The following SVOPL variants were observed in gnomAD, a reference collection of about 807,000 sequenced individuals.
The protein encoded by SVOPL is putative transporter SVOPL.
A neutral mutation model predicts 61.0 loss-of-function variants in SVOPL; 60 were observed. That is an observed-to-expected ratio of 0.98 (90% CI 0.80 to 1.22). The LOEUF (loss-of-function observed/expected upper bound fraction) is 1.22, where lower values mean the gene tolerates loss of function less well. Among genes scored for constraint, SVOPL ranks in the 50% most tolerant of loss-of-function variants. The pLI is 0.00. For synonymous variants in SVOPL, 279 were observed against 250.0 expected (o/e 1.12, Z -1.09); for missense variants, 662 against 643.9 (o/e 1.03, Z -0.30).
At chr7:138,634,350 T>C (rs1327363828) in intron 9 of SVOPL, among the ~76,000 whole-genome samples, 1 of 151,148 alleles carries the variant, frequency 6.6e-6, no homozygotes, top group Non-Finnish European at 1.5e-5. Flanking sequence ...TATGAAAAAA[T>C]AAGAAAATTA....
intron 4 of SVOPL, among the ~76,000 whole-genome samples, chr7:138,665,640 C>T (rs543265751): frequency 6.6e-6 from 1 of 152,258 alleles, no homozygotes; most frequent in South Asian, 2.1e-4. Flanking sequence ...AAAACGGTAT[C>T]ACGTAATACA....
intron 14 of SVOPL, among the ~76,000 whole-genome samples, chr7:138,609,709 GTT>G (rs146190653): frequency 2.0e-3 from 122 of 62,496 alleles, no homozygotes; most frequent in Non-Finnish European, 2.8e-3. Flanking sequence ...GCTCATTACT[GTT>G]TTTTTTTTGG....
intron 13 of SVOPL, among the ~76,000 whole-genome samples, chr7:138,623,612 A>G (rs1253570144): frequency 6.6e-6 from 1 of 152,150 alleles, no homozygotes; most frequent in Non-Finnish European, 1.5e-5. Context: ...AACAAAAAAA[A>G]TAAAATCAAA....
At chr7:138,640,308 C>T (rs922772131) in intron 9 of SVOPL, among the ~76,000 whole-genome samples, 9 of 151,886 alleles carry the variant, frequency 5.9e-5, no homozygotes, top group African/African-American at 1.4e-4. Context: ...CTCGGCTCAC[C>T]GCAATCTCTG....
intron 4 of SVOPL, among the ~76,000 whole-genome samples, chr7:138,670,635 C>T (rs1584859633): frequency 6.6e-6 from 1 of 152,166 alleles, no homozygotes; most frequent in Non-Finnish European, 1.5e-5. Context: ...TTAAAAAATG[C>T]TTGCCTCCAA....
intron 3 of SVOPL, among the ~76,000 whole-genome samples, chr7:138,678,028 A>G (rs929100532): frequency 5.9e-5 from 9 of 152,128 alleles, no homozygotes; most frequent in African/African-American, 2.2e-4. Context: ...AGCCTCCCAA[A>G]GTGCTGGGAT....
chr7:138,675,504 C>T (rs1266796428), intron 3 of SVOPL, among the ~76,000 whole-genome samples: 2 of 152,052 alleles, frequency 1.3e-5, no homozygotes, highest in African/African-American at 4.8e-5. Context: ...CAGGCATGTG[C>T]CACCATACCC....
chr7:138,689,421 A>G, intron 1 of SVOPL: 2 of 1,270,938 alleles, frequency 1.6e-6, no homozygotes, highest in Non-Finnish European at 1.1e-6. Flanking sequence ...CCACATCGAG[A>G]TGATCCTTAC....
chr7:138,696,048 C>T (rs1205227634), intron 1 of SVOPL, among the ~76,000 whole-genome samples: 2 of 152,116 alleles, frequency 1.3e-5, no homozygotes, highest in African/African-American at 4.8e-5. Flanking sequence ...TCCCAAAGTG[C>T]TAGGATTACA....
At chr7:138,654,886 A>T (rs137855160) in intron 7 of SVOPL, among the ~76,000 whole-genome samples, 2,840 of 87,660 alleles carry the variant, frequency 0.032, 63 homozygotes, top group African/African-American at 0.14. Flanking sequence ...TTTTTTTTTT[A>T]AAAAAAAAAA....
intron 3 of SVOPL, among the ~76,000 whole-genome samples, chr7:138,673,455 G>A (rs932434542): frequency 5.3e-5 from 8 of 152,186 alleles, no homozygotes; most frequent in East Asian, 1.9e-4. Context: ...CCAGGAGTTC[G>A]AGACCAGCCT....
intron 5 of SVOPL, chr7:138,660,287 A>C: frequency 3.6e-6 from 4 of 1,107,408 alleles, no homozygotes; most frequent in South Asian, 5.7e-5. Flanking sequence ...TGTCCTCCCT[A>C]CTCACAGGGC....
chr7:138,662,125 C>T, intron 5 of SVOPL: 14 of 985,480 alleles, frequency 1.4e-5, no homozygotes, highest in Non-Finnish European at 1.7e-5. Flanking sequence ...GCATGGGCTT[C>T]CATTTCTGTC....
chr7:138,618,202 C>G lies in SVOPL; in HGVS notation c.1353+2844G>C, dbSNP rs543632232. Among the ~76,000 whole-genome samples the G allele has an allele frequency of 4.6e-4, 70 of 152,268 alleles. 1 individual carries two copies. In the South Asian group the frequency reaches 6.6e-3, roughly 14 times the overall value. On this transcript the variant is annotated intron_variant, in intron 14 of 15. Coordinates refer to ENST00000674285, the MANE Select transcript of SVOPL (RefSeq NM_001139456.2). ...TATTGAGAAGTATCCATTGGAATAG[C>G]GTTTCACCTTGACCGTTATTGATCA...
At chr7:138,676,948 G>A (rs1802578826) in intron 3 of SVOPL, among the ~76,000 whole-genome samples, 1 of 121,458 alleles carries the variant, frequency 8.2e-6, no homozygotes, top group Non-Finnish European at 1.7e-5. Context: ...CTGTCATCAG[G>A]GCTGGAGTGC....
intron 5 of SVOPL, chr7:138,661,631 T>G: frequency 8.1e-6 from 8 of 982,322 alleles, no homozygotes; most frequent in Non-Finnish European, 9.7e-6. Flanking sequence ...GTTTTTAGAT[T>G]TTGTGACACC....
chr7:138,639,704 GAT>G (rs1800686132), intron 9 of SVOPL, among the ~76,000 whole-genome samples: 1 of 152,038 alleles, frequency 6.6e-6, no homozygotes, highest in Non-Finnish European at 1.5e-5. Context: ...CTTTACAAGA[GAT>G]ACTTTGAGAC....
At chr7:138,630,241 C>T in intron 9 of SVOPL, 119 bp from the exon 10 acceptor site, 1 of 764,086 alleles carries the variant, frequency 1.3e-6, no homozygotes, top group Non-Finnish European at 2.3e-6. Context: ...CCTGCGATAA[C>T]CACTCAGCTC....
Position 138,621,148 on chromosome 7 carries a change from G to A in SVOPL, c.1264-13C>T. On this transcript the variant is annotated splice_polypyrimidine_tract_variant and intron_variant, in intron 13 of 15. Coordinates refer to ENST00000674285, the MANE Select transcript of SVOPL (RefSeq NM_001139456.2). ...TGGTGGGGTAGACCTGCAGGGAGAG[G>A]CACGGAAAGTACCAGTCAGATAATG... 2.5e-6 allele frequency: 4 copies of A among 1,609,846 alleles called. No individual in the cohort carries two copies. The highest frequency in any genetic ancestry group is 3.4e-6 in the Non-Finnish European group (4 of 1,177,998).
Sources: allele counts gnomAD v4.1 joint callset (sites outside exome capture counted in the v4.1 genomes callset), GRCh38; gene constraint gnomAD v4.1.1; transcripts MANE v1.5; gene names NCBI Gene and HGNC (gene_info 2026-07-23, HGNC 2026-07-21).